The following VPS13A variants were observed in gnomAD, a reference collection of about 807,000 sequenced individuals.
VPS13A encodes the protein vacuolar protein sorting 13 homolog A.
Under a neutral mutation model 390.9 loss-of-function variants are expected in VPS13A, and 264 were observed. The observed-to-expected ratio is 0.68, with a 90% CI of 0.61 to 0.75. The LOEUF is 0.75. Ranked by LOEUF, VPS13A falls within the 30% of genes least tolerant of loss-of-function variation. The pLI is 0.00. For synonymous variants in VPS13A, 1,231 were observed against 1,227.1 expected, an observed-to-expected ratio of 1.00 and a Z score of -0.07; for missense variants, 3,409 against 3,733.9, an observed-to-expected ratio of 0.91 and a Z score of 2.27.
chr9:77,260,361 T>C, intron 23 of VPS13A, 137 bp downstream of exon 23: 3 of 936,568 alleles, frequency 3.2e-6, no homozygotes, highest in South Asian at 1.8e-5. Context: ...CTTTTTTTTT[T>C]TTTTTTTTTT....
Position 77,318,393 on chromosome 9 carries a change from A to T in VPS13A, c.5115A>T (p.Glu1705Asp), listed in dbSNP as rs768989673. The T allele has an allele frequency of 6.2e-7, 1 of 1,613,908 alleles. No homozygotes were observed. Among genetic ancestry groups the T allele is most frequent in the Non-Finnish European group, 8.5e-7 (1 of 1,179,902 alleles). The change falls in exon 41 of 72, where the codon GAA becomes GAT. Residue 1705 changes from glutamate (E) to aspartate (D), a missense_variant. Physicochemically the swap from Glu to Asp is conservative, Grantham distance 45 (BLOSUM62 2). Transcript: ENST00000360280. Reference sequence around the variant, plus strand: ...TGTGGTTTCTTGAAGAATCAAATGAAACTGAAAAAATAGCTCCCACAACTG... The same window carrying T: ...TGTGGTTTCTTGAAGAATCAAATGATACTGAAAAAATAGCTCCCACAACTG... The part of the protein sequence containing the change: ...LKMWFLEESN[E>D]TEKIAPTTEL...
chr9:77,338,578 C>T (rs536464788), intron 47 of VPS13A: 5 of 152,248 alleles, frequency 3.3e-5, no homozygotes, highest in South Asian at 2.1e-4. Flanking sequence ...GGTACAGTGC[C>T]TCCCAGACAC....
intron 59 of VPS13A, among the ~76,000 whole-genome samples, chr9:77,361,948 GTAGT>G (rs1832164930): frequency 6.6e-6 from 1 of 152,098 alleles, no homozygotes; most frequent in Non-Finnish European, 1.5e-5. Flanking sequence ...AATATGTTAA[GTAGT>G]TAATTTGCAT....
At chr9:77,359,593 T>C (rs1302069546) in intron 58 of VPS13A, among the ~76,000 whole-genome samples, 191 bp downstream of exon 58, 1 of 152,054 alleles carries the variant, frequency 6.6e-6, no homozygotes, top group Non-Finnish European at 1.5e-5. Context: ...CTAGACAGGC[T>C]GATCACTTGA....
chr9:77,349,431 A>G (rs567146177), intron 52 of VPS13A, among the ~76,000 whole-genome samples: 2 of 152,260 alleles, frequency 1.3e-5, no homozygotes, highest in South Asian at 2.1e-4. Context: ...CCCAATAGGT[A>G]GTTTTTCGAT....
In VPS13A at chr9:77,370,248, G is replaced by T; in HGVS notation, c.8668-9G>T. The T allele has an allele frequency of 6.2e-7, 1 of 1,613,866 alleles. No individual in the cohort carries two copies. The highest frequency in any genetic ancestry group is 8.5e-7 in the Non-Finnish European group (1 of 1,179,908). On this transcript the variant is annotated splice_polypyrimidine_tract_variant and intron_variant, in intron 63 of 71. Transcript: ENST00000360280. ...CACTCACTCATTTATTTACTATTTG[G>T]CCCTTTAGGGAGCCATCCAGGGTCC...
intron 19 of VPS13A, 55 bp downstream of exon 19, chr9:77,238,441 T>C: frequency 8.0e-7 from 1 of 1,255,784 alleles, no homozygotes; most frequent in Non-Finnish European, 1.2e-6. Context: ...TATTAAACTT[T>C]TATTTATGGT....
intron 31 of VPS13A, among the ~76,000 whole-genome samples, chr9:77,285,004 C>T (rs1827252375): frequency 6.6e-6 from 1 of 152,182 alleles, no homozygotes; most frequent in African/African-American, 2.4e-5. Flanking sequence ...TGTGCCCGGC[C>T]TGTAATTTTA....
chr9:77,386,187 G>A (rs1211695001), intron 68 of VPS13A, among the ~76,000 whole-genome samples: 1 of 152,122 alleles, frequency 6.6e-6, no homozygotes, highest in East Asian at 1.9e-4. Context: ...CTTTGTATTT[G>A]TTGTGCACCC....
chr9:77,311,710 C>T (rs751305867), intron 35 of VPS13A, among the ~76,000 whole-genome samples: 15 of 152,118 alleles, frequency 9.9e-5, no homozygotes, highest in Non-Finnish European at 1.9e-4. Flanking sequence ...AAGATTTGAA[C>T]ACAGTCAACA....
At position 77,340,301 on chromosome 9, in the gene VPS13A, T is replaced by C. The variant is rs1236087660; in HGVS notation, c.6879+19T>C. The C allele has an allele frequency of 6.2e-7, 1 of 1,608,718 alleles. No individual in the cohort carries two copies. The highest frequency in any genetic ancestry group is 2.2e-5 in the East Asian group (1 of 44,720). ...CTATCAAGTGAGTTCATTCTATGCTTATCAAGAAACTTTTATTTTAAATGT... is the reference window on the plus strand; with the variant it reads ...CTATCAAGTGAGTTCATTCTATGCTCATCAAGAAACTTTTATTTTAAATGT... On this transcript the variant is annotated intron_variant, in intron 49 of 71. Coordinates refer to ENST00000360280, the MANE Select transcript of VPS13A (RefSeq NM_033305.3).
chr9:77,225,797 A>G, intron 13 of VPS13A, 129 bp from the exon 14 acceptor site: 1 of 688,834 alleles, frequency 1.5e-6, no homozygotes, highest in South Asian at 1.8e-5. Flanking sequence ...TATTATATTG[A>G]TGAATGTTCT....
intron 13 of VPS13A, among the ~76,000 whole-genome samples, chr9:77,222,599 C>T (rs771926756): frequency 2.6e-5 from 4 of 152,104 alleles, no homozygotes; most frequent in Admixed American, 1.3e-4. Context: ...GCAAATCTGT[C>T]GGCACCATTT....
intron 44 of VPS13A, among the ~76,000 whole-genome samples, chr9:77,322,702 A>T (rs1829816353): frequency 5.3e-5 from 8 of 152,092 alleles, no homozygotes; most frequent in Admixed American, 5.2e-4. Flanking sequence ...GAAAAATTAA[A>T]AACAAAAATT....
At position 77,368,261 on chromosome 9, in the gene VPS13A, G is replaced by C. The variant is rs1832546927; in HGVS notation, c.8553+125G>C. 6.5e-6 allele frequency: 5 copies of C among 772,676 alleles called. No homozygotes were observed. In the East Asian group the frequency reaches 1.4e-4, roughly 21 times the overall value. The allele number at this position is 772,676 out of a possible 1,614,324, so 47.9% of individuals were successfully genotyped here. On this transcript the variant is annotated intron_variant, in intron 62 of 71. Transcript: ENST00000360280. ...AGCCATTTTCAAATTATTAAAGCAT[G>C]GGTATTTTCCTCAGAATTATAAAAA...
At chr9:77,386,389 G>C (rs1220427618) in intron 68 of VPS13A, among the ~76,000 whole-genome samples, 1 of 151,970 alleles carries the variant, frequency 6.6e-6, no homozygotes, top group Non-Finnish European at 1.5e-5. Context: ...GAAACTACTT[G>C]TTTGCAAGAC....
intron 71 of VPS13A, among the ~76,000 whole-genome samples, chr9:77,413,151 A>G (rs1164311056): frequency 8.5e-5 from 13 of 152,210 alleles, no homozygotes; most frequent in African/African-American, 2.7e-4. Flanking sequence ...AATCAATATC[A>G]TGAAAATGCC....
At chr9:77,231,385 C>T (rs1823824081) in intron 17 of VPS13A, among the ~76,000 whole-genome samples, 1 of 152,138 alleles carries the variant, frequency 6.6e-6, no homozygotes, top group Non-Finnish European at 1.5e-5. Context: ...ATTTTACAAT[C>T]CCACCAGCAA....
intron 17 of VPS13A, among the ~76,000 whole-genome samples, chr9:77,233,521 T>A (rs1278248799): frequency 6.6e-6 from 1 of 152,196 alleles, no homozygotes; most frequent in Admixed American, 6.5e-5. Flanking sequence ...ATCTTTCTTT[T>A]TTAATGTAGG....
Sources: allele counts gnomAD v4.1 joint callset (sites outside exome capture counted in the v4.1 genomes callset), GRCh38; gene constraint gnomAD v4.1.1; transcripts MANE v1.5; gene names NCBI Gene and HGNC (gene_info 2026-07-23, HGNC 2026-07-21).